Variants in RAB11FIP1 observed in about 807,000 individuals in gnomAD.
RAB11FIP1 encodes the protein RAB11 family interacting protein 1.
A neutral mutation model predicts 83.1 loss-of-function variants in RAB11FIP1; 49 were observed. That is an observed-to-expected ratio of 0.59 (90% CI 0.47 to 0.75). RAB11FIP1 has a LOEUF of 0.75. Ranked by LOEUF, RAB11FIP1 falls within the 30% of genes least tolerant of loss-of-function variation. RAB11FIP1 has a pLI of 0.00. For missense variants in RAB11FIP1, 1,536 were observed against 1,598.7 expected (o/e 0.96, Z 0.67); for synonymous variants, 670 against 656.0 (o/e 1.02, Z -0.33).
At chr8:37,865,315 C>CTTTTTTTTTTTTTTTTTTTTTTTTT (rs11407439) in intron 5 of RAB11FIP1, among the ~76,000 whole-genome samples, 1 of 142,934 alleles carries the variant, frequency 7.0e-6, no homozygotes, top group African/African-American at 2.6e-5. Context: ...TCCTGGGATT[C>CTTTTTTTTTTTTTTTTTTTTTTTTT]TTTTTTTTTT....
At chr8:37,895,224 T>TATAC in intron 1 of RAB11FIP1, among the ~76,000 whole-genome samples, 2 of 4,130 alleles carry the variant, frequency 4.8e-4, no homozygotes, top group Non-Finnish European at 1.1e-3. Context: ...TGCCAATATA[T>TATAC]ATATATATAT....
At chr8:37,888,850 T>C (rs1019329884) in intron 1 of RAB11FIP1, among the ~76,000 whole-genome samples, 1 of 145,866 alleles carries the variant, frequency 6.9e-6, no homozygotes, top group Non-Finnish European at 1.5e-5. Flanking sequence ...CAGGCCGGAC[T>C]GCAGTGGCGC....
chr8:37,872,103 C>T lies in RAB11FIP1; in HGVS notation c.2699G>A (p.Ser900Asn), dbSNP rs770186949. 1 of 1,614,066 alleles carries T rather than the reference C, an allele frequency of 6.2e-7. No individual in the cohort carries two copies. Among genetic ancestry groups the T allele is most frequent in the East Asian group, 2.2e-5 (1 of 44,862 alleles). ...QEESFSEVPM[S>N]EASSAKDTPL... ...AGTGTCTTTCGCTGAGCTTGCTTCA[C>T]TCATGGGGACTTCGGAGAAACTCTC... Residue 900 changes from serine to asparagine, a missense_variant, in exon 4 of 6, where the codon AGT (serine) becomes AAT (asparagine). Coordinates refer to ENST00000330843, the MANE Select transcript of RAB11FIP1 (RefSeq NM_001002814.3).
chr8:37,874,433 C>T (rs1402304378), intron 3 of RAB11FIP1, 82 bp downstream of exon 3: 2 of 1,087,354 alleles, frequency 1.8e-6, no homozygotes, highest in Admixed American at 4.2e-5. Flanking sequence ...ATCATGGGAC[C>T]CACAAGAGCT....
intron 5 of RAB11FIP1, among the ~76,000 whole-genome samples, chr8:37,863,716 A>G (rs1806287473): frequency 6.6e-6 from 1 of 152,086 alleles, no homozygotes; most frequent in African/African-American, 2.4e-5. Flanking sequence ...TGTTGTATGA[A>G]CTTTTAAAAA....
intron 1 of RAB11FIP1, chr8:37,878,189 T>G (rs1185343659): frequency 1.3e-5 from 2 of 151,266 alleles, no homozygotes; most frequent in Non-Finnish European, 2.9e-5. Flanking sequence ...GAAAAAAAAA[T>G]ATTCCATGGA....
rs960366962 is a variant in RAB11FIP1, at chr8:37,860,505, C to G, written c.*2390G>C. On this transcript the variant is annotated 3_prime_UTR_variant, in exon 6 of 6. Transcript: ENST00000330843. The stretch of plus-strand genomic sequence containing the variant: ...TACAGCTGTCTGCCACCACACCCAG[C>G]TAATTTCTGTATTTTTTAGTAGAGA... 9 of 152,204 alleles carry G rather than the reference C, an allele frequency of 5.9e-5. No homozygotes were observed. Among genetic ancestry groups the G allele is most frequent in the African/African-American group, 2.2e-4 (9 of 41,426 alleles). The allele number at this position is 152,204 out of a possible 1,614,324, so 9.4% of individuals were successfully genotyped here.
rs1384513980 is a variant in RAB11FIP1, at chr8:37,899,298, G to C, written c.144C>G (p.Gly48=). 4 of 1,609,860 alleles carry C rather than the reference G, an allele frequency of 2.5e-6. No individual in the cohort carries two copies. The highest frequency in any genetic ancestry group is 3.4e-6 in the Non-Finnish European group (4 of 1,179,018). The change falls in exon 1 of 6, where the codon GGC becomes GGG. Residue 48 remains glycine (G), a synonymous_variant. Transcript: ENST00000330843. The surrounding 1 kb of genome is among the most constrained non-coding windows in gnomAD (Gnocchi z 4.5). ...TSDAYAVIQV[G]KEKYATSVSE... is the part of the protein sequence containing the mutation. ...ACACGGAGGTGGCGTACTTCTCCTTGCCCACCTGGATCACCGCGTACGCGT... is the reference window on the plus strand; with the variant it reads ...ACACGGAGGTGGCGTACTTCTCCTTCCCCACCTGGATCACCGCGTACGCGT...
At position 37,899,258 on chromosome 8, in the gene RAB11FIP1, C is replaced by T; in HGVS notation, c.184G>A (p.Gly62Ser). 1 of 1,604,466 alleles carries T rather than the reference C, an allele frequency of 6.2e-7. No homozygotes were observed. The highest frequency in any genetic ancestry group is 8.5e-7 in the Non-Finnish European group (1 of 1,177,634). The change falls in exon 1 of 6, where the codon GGC becomes AGC. Residue 62 changes from glycine (G) to serine (S), a missense_variant. By Grantham distance (56) the Gly-to-Ser change is moderately conservative. Coordinates refer to ENST00000330843, the MANE Select transcript of RAB11FIP1 (RefSeq NM_001002814.3). The surrounding 1 kb of genome is among the most constrained non-coding windows in gnomAD (Gnocchi z 4.5). The part of the protein sequence containing the change: ...YATSVSERSL[G>S]APVWREEATF... ...GCCTCCTCGCGCCACACGGGCGCGC[C>T]CAGGCTGCGCTCCGACACGGAGGTG...
In RAB11FIP1 at chr8:37,861,732, G is replaced by A. The variant is rs540603062; in HGVS notation, c.*1163C>T. Reference sequence around the variant, plus strand: ...GCCTCCCGAGTAGCTGGGATTACAGGCACGCACCACCATGCCAAGCTAATT... The same window carrying A: ...GCCTCCCGAGTAGCTGGGATTACAGACACGCACCACCATGCCAAGCTAATT... On this transcript the variant is annotated 3_prime_UTR_variant, in exon 6 of 6. Coordinates refer to ENST00000330843, the MANE Select transcript of RAB11FIP1 (RefSeq NM_001002814.3). The A allele has an allele frequency of 8.2e-6, 3 of 364,452 alleles. No individual in the cohort carries two copies. Among genetic ancestry groups the A allele is most frequent in the Non-Finnish European group, 1.6e-5 (3 of 189,126 alleles). The allele number at this position is 364,452 out of a possible 1,614,324, so 22.6% of individuals were successfully genotyped here.
In RAB11FIP1 at chr8:37,899,465, G is replaced by T. The variant is rs747156928; in HGVS notation, c.-24C>A. On this transcript the variant is annotated 5_prime_UTR_variant, in exon 1 of 6. Coordinates refer to ENST00000330843, the MANE Select transcript of RAB11FIP1 (RefSeq NM_001002814.3). The surrounding 1 kb of genome is among the most constrained non-coding windows in gnomAD (Gnocchi z 4.5). Reference sequence around the variant, plus strand: ...ATGGTGACGATAACACTCCAGAAGCGAGGAGAAGATCGCCGCGACTGGCGG... The same window carrying T: ...ATGGTGACGATAACACTCCAGAAGCTAGGAGAAGATCGCCGCGACTGGCGG... The T allele has an allele frequency of 8.7e-6, 13 of 1,492,436 alleles. No homozygotes were observed. Among genetic ancestry groups the T allele is most frequent in the South Asian group, 5.4e-5 (4 of 74,420 alleles). 92.4% of individuals were successfully genotyped at this position (1,492,436 alleles called of 1,614,324 possible).
Position 37,863,038 on chromosome 8 carries a change from G to A in RAB11FIP1, c.3709C>T (p.Gln1237Ter). ...TCCTTCTTGCTTATCGTTTCCTTCT[G>A]TTTGAGGACCAGCTGAATCAGCTCA... ...HDELIQLVLK[Q>*]KETISKKEFQ... Residue 1237 changes from glutamine (Q) to a stop codon, truncating the protein, a stop_gained, in exon 6 of 6, where the codon CAG becomes TAG. Transcript: ENST00000330843. LOFTEE classifies it high-confidence loss of function. The A allele has an allele frequency of 6.2e-7, 1 of 1,613,312 alleles. No individual in the cohort carries two copies. Among genetic ancestry groups the A allele is most frequent in the Non-Finnish European group, 8.5e-7 (1 of 1,179,990 alleles).
chr8:37,868,439 A>G (rs1408487703), intron 5 of RAB11FIP1, among the ~76,000 whole-genome samples: 1 of 151,620 alleles, frequency 6.6e-6, no homozygotes, highest in Non-Finnish European at 1.5e-5. Context: ...AAAAAAAAAG[A>G]AAAAAAACTA....
At chr8:37,883,705 C>G (rs992605096) in intron 1 of RAB11FIP1, among the ~76,000 whole-genome samples, 2 of 152,156 alleles carry the variant, frequency 1.3e-5, no homozygotes, top group Admixed American at 1.3e-4. Context: ...CTGCACCTCA[C>G]AGAAGTAGCT....
rs1471276316 is a variant in RAB11FIP1, at chr8:37,894,721, T to C, written c.371+4350A>G. 6.1e-5 allele frequency among the ~76,000 whole-genome samples: 9 copies of C among 146,716 alleles called. No homozygotes were observed. The East Asian group carries it at 9.7e-4, about 16-fold the overall frequency. ...AAATACATATATATACATATATATATACATATATATATATATATACACACA... is the reference window on the plus strand; with the variant it reads ...AAATACATATATATACATATATATACACATATATATATATATATACACACA... On this transcript the variant is annotated intron_variant, in intron 1 of 5. Transcript: ENST00000330843.
Position 37,867,556 on chromosome 8 carries a change from A to T in RAB11FIP1, c.3633+2864T>A, listed in dbSNP as rs575489303. ...CCCGTCTCTATTAAAAATACAAAAAAATTAGCTGGGTGTGGTGGTGCATGC... is the reference window on the plus strand; with the variant it reads ...CCCGTCTCTATTAAAAATACAAAAATATTAGCTGGGTGTGGTGGTGCATGC... On this transcript the variant is annotated intron_variant, in intron 5 of 5. Transcript: ENST00000330843. 9.9e-5 allele frequency among the ~76,000 whole-genome samples: 15 copies of T among 152,138 alleles called. No homozygotes were observed. In the East Asian group the frequency reaches 2.7e-3, roughly 28 times the overall value.
Position 37,871,832 on chromosome 8 carries a change from C to T in RAB11FIP1, c.2970G>A (p.Lys990=), listed in dbSNP as rs755973269. 2 of 1,614,194 alleles carry T rather than the reference C, an allele frequency of 1.2e-6. No homozygotes were observed. Among genetic ancestry groups the T allele is most frequent in the South Asian group, 2.2e-5 (2 of 91,088 alleles). Residue 990 remains lysine, a synonymous_variant, in exon 4 of 6, where the codon AAG becomes AAA. Transcript: ENST00000330843. ...AAGCTCCTATGTCCAGAGTTGACGA[C>T]TTTGCTGTCTCTCCATCATCTTCAA... ...DQVEDDGETA[K]SSTLDIGALS... is the part of the protein sequence containing the mutation.
chr8:37,875,261 G>A lies in RAB11FIP1; in HGVS notation c.876C>T (p.Thr292=), dbSNP rs759481017. The A allele has an allele frequency of 9.9e-6, 16 of 1,613,826 alleles. 1 individual carries two copies. The South Asian group carries it at 1.8e-4, about 18-fold the overall frequency. The part of the protein sequence containing the change: ...DLKQLNQVNF[T]LPKKEGLSFL... ...AGGAAAGTCCTTCCTTCTTGGGAAG[G>A]GTAAAGTTGACCTGGTTCAGTTGCT... Residue 292 remains threonine, a synonymous_variant, in exon 3 of 6, where the codon ACC becomes ACT. Coordinates refer to ENST00000330843, the MANE Select transcript of RAB11FIP1 (RefSeq NM_001002814.3).
At chr8:37,893,294 C>T (rs569242411) in intron 1 of RAB11FIP1, among the ~76,000 whole-genome samples, 12 of 152,090 alleles carry the variant, frequency 7.9e-5, no homozygotes, top group African/African-American at 2.7e-4. Context: ...AGGCTGGTCT[C>T]GAACTCCTGA....
Sources: allele counts gnomAD v4.1 joint callset (sites outside exome capture counted in the v4.1 genomes callset), GRCh38; gene constraint gnomAD v4.1.1; non-coding constraint Gnocchi (gnomAD v3.1); transcripts MANE v1.5; gene names NCBI Gene and HGNC (gene_info 2026-07-23, HGNC 2026-07-21).